Variants in IGSF5 observed in about 807,000 individuals in gnomAD.
IGSF5 encodes immunoglobulin superfamily 5 like.
Under a neutral mutation model 39.4 loss-of-function variants are expected in IGSF5, and 41 were observed. The ratio of observed to expected loss-of-function variants is 1.04; its 90% CI spans 0.81 to 1.35. The LOEUF is 1.35. IGSF5 is among the 40% of genes most tolerant of loss of function. IGSF5 has a pLI of 0.00. For missense variants in IGSF5, 487 were observed against 494.6 expected, an observed-to-expected ratio of 0.98 and a Z score of 0.15; for synonymous variants, 183 against 175.3, an observed-to-expected ratio of 1.04 and a Z score of -0.34.
the IGSF5 span, among the ~76,000 whole-genome samples, chr21:39,719,535 C>A: frequency 6.6e-6 from 1 of 151,928 alleles, no homozygotes; most frequent in Non-Finnish European, 1.5e-5. Flanking sequence ...TCTTTGCCAG[C>A]GTGGTGGCAG....
At chr21:39,749,428 G>T (rs932875395) in intron 2 of IGSF5, among the ~76,000 whole-genome samples, 1 of 152,188 alleles carries the variant, frequency 6.6e-6, no homozygotes, top group Non-Finnish European at 1.5e-5. Flanking sequence ...GGCCAGGCTG[G>T]TCTCGTACTC....
At chr21:39,721,452 G>A in the IGSF5 span, among the ~76,000 whole-genome samples, 810 of 152,298 alleles carry the variant, frequency 5.3e-3, 5 homozygotes, top group Non-Finnish European at 7.6e-3. Context: ...AAGTTCAGGC[G>A]GAAGTCCTGC....
At chr21:39,788,038 T>A (rs1040159091) in intron 5 of IGSF5, 129 bp from the exon 6 acceptor site, 4 of 686,278 alleles carry the variant, frequency 5.8e-6, no homozygotes, top group Non-Finnish European at 7.5e-6. Flanking sequence ...GAAAACTTAA[T>A]AATGCTCCTT....
the IGSF5 span, among the ~76,000 whole-genome samples, chr21:39,724,180 A>G: frequency 6.6e-6 from 1 of 152,338 alleles, no homozygotes; most frequent in Admixed American, 6.5e-5. Context: ...TCTCTGTATT[A>G]ATAATAGAAT....
chr21:39,727,535 C>T, the IGSF5 span, among the ~76,000 whole-genome samples: 7 of 152,324 alleles, frequency 4.6e-5, no homozygotes, highest in South Asian at 6.2e-4. Flanking sequence ...AGACCCTGAG[C>T]GGTGAAAAGG....
chr21:39,737,615 AC>A, the IGSF5 span, among the ~76,000 whole-genome samples: 1 of 152,126 alleles, frequency 6.6e-6, no homozygotes, highest in Non-Finnish European at 1.5e-5. Flanking sequence ...TGCAACTCAC[AC>A]CATGAAGATG....
the IGSF5 span, among the ~76,000 whole-genome samples, chr21:39,739,545 G>A: frequency 1.3e-5 from 2 of 152,154 alleles, no homozygotes; most frequent in Admixed American, 6.5e-5. Context: ...TCCCAGCTAG[G>A]CTTAGGGATT....
At position 39,771,106 on chromosome 21, in the gene IGSF5, G is replaced by A; in HGVS notation, c.609G>A (p.Leu203=). The A allele has an allele frequency of 6.2e-6, 10 of 1,613,382 alleles. No individual in the cohort carries two copies. The highest frequency in any genetic ancestry group is 8.5e-6 in the Non-Finnish European group (10 of 1,179,680). Reference sequence around the variant, plus strand: ...ACCTTCAAAGTGCAGTGAGCATCCTGGCTCTGACCCCACAGAGCAATGGGA... The same window carrying A: ...ACCTTCAAAGTGCAGTGAGCATCCTAGCTCTGACCCCACAGAGCAATGGGA... ...PSDLQSAVSI[L]ALTPQSNGTL... is the part of the protein sequence containing the mutation. The change falls in exon 4 of 9, where the codon CTG becomes CTA. Residue 203 remains leucine (L), a synonymous_variant. Transcript: ENST00000380588.
At chr21:39,771,417 T>G (rs2080114362) in intron 4 of IGSF5, among the ~76,000 whole-genome samples, 1 of 152,234 alleles carries the variant, frequency 6.6e-6, no homozygotes, top group African/African-American at 2.4e-5. Context: ...TCTTAAAGTT[T>G]TTTTTCTCCT....
the IGSF5 span, among the ~76,000 whole-genome samples, chr21:39,721,951 C>T: frequency 6.6e-6 from 1 of 152,164 alleles, no homozygotes; most frequent in African/African-American, 2.4e-5. Flanking sequence ...ATATTTTCAG[C>T]TTTGTGGTCC....
chr21:39,714,688 C>T, the IGSF5 span, among the ~76,000 whole-genome samples: 12 of 152,186 alleles, frequency 7.9e-5, no homozygotes, highest in African/African-American at 2.7e-4. Flanking sequence ...TTCTTCTTCA[C>T]GTGGTATCCT....
intron 2 of IGSF5, among the ~76,000 whole-genome samples, chr21:39,758,363 C>A (rs1476707723): frequency 6.6e-6 from 1 of 152,204 alleles, no homozygotes; most frequent in Non-Finnish European, 1.5e-5. Flanking sequence ...CTCACCAGGG[C>A]CATCACTGTC....
chr21:39,721,628 G>A, the IGSF5 span, among the ~76,000 whole-genome samples: 1 of 151,754 alleles, frequency 6.6e-6, no homozygotes, highest in African/African-American at 2.4e-5. Context: ...TTGAATAATT[G>A]GGGACTAGAG....
At chr21:39,742,515 C>T, upstream of IGSF5, among the ~76,000 whole-genome samples, 1 of 152,212 alleles carries the variant, frequency 6.6e-6, no homozygotes, top group Non-Finnish European at 1.5e-5. Flanking sequence ...CCCTGGGCAC[C>T]CTCAGCCCTG....
At chr21:39,742,672 G>A (rs144171868), upstream of IGSF5, among the ~76,000 whole-genome samples, 4 of 152,310 alleles carry the variant, frequency 2.6e-5, no homozygotes, top group African/African-American at 4.8e-5. Flanking sequence ...AAGTGTCCTT[G>A]TAGACCGCAC....
At chr21:39,787,231 A>G (rs561669001) in intron 5 of IGSF5, among the ~76,000 whole-genome samples, 8 of 152,226 alleles carry the variant, frequency 5.3e-5, no homozygotes, top group Admixed American at 3.3e-4. Context: ...GAGGGCATTC[A>G]TCTCTTACCT....
upstream of IGSF5, among the ~76,000 whole-genome samples, chr21:39,744,182 C>G (rs920912733): frequency 3.9e-5 from 6 of 152,146 alleles, no homozygotes; most frequent in Admixed American, 3.9e-4. Context: ...AGAAAGGGGT[C>G]CGGGCTGCTG....
the IGSF5 span, among the ~76,000 whole-genome samples, chr21:39,737,062 C>T: frequency 6.6e-6 from 1 of 152,052 alleles, no homozygotes; most frequent in African/African-American, 2.4e-5. Context: ...TGCTACAACC[C>T]TGTGTATATT....
At chr21:39,714,078 C>T in the IGSF5 span, among the ~76,000 whole-genome samples, 7 of 152,346 alleles carry the variant, frequency 4.6e-5, no homozygotes, top group South Asian at 2.1e-4. Context: ...CCCACGTGAG[C>T]GCGAGCTGCT....
Sources: gnomAD v4.1 joint callset for allele counts (sites outside exome capture counted in the v4.1 genomes callset) on GRCh38, gnomAD v4.1.1 for gene constraint, MANE v1.5 for transcripts, NCBI Gene and HGNC (gene_info 2026-07-23, HGNC 2026-07-21) for gene names.